Variants in LTBP1 observed in about 807,000 individuals in gnomAD.
LTBP1 encodes latent-transforming growth factor beta-binding protein 1.
A neutral mutation model predicts 207.6 loss-of-function variants in LTBP1; 129 were observed. The ratio of observed to expected loss-of-function variants is 0.62; its 90% CI spans 0.54 to 0.72. The LOEUF is 0.72. LTBP1 is among the 30% of genes least tolerant of loss of function. The pLI, the probability that LTBP1 is intolerant of heterozygous loss-of-function variation, is 0.00. For missense variants in LTBP1, 2,281 were observed against 2,217.2 expected (o/e 1.03, Z -0.58); for synonymous variants, 963 against 833.7 (o/e 1.16, Z -2.67).
rs888777500 is a variant in LTBP1 at position 32,947,560 on chromosome 2, T to G, written c.236T>G (p.Val79Gly). The change falls in exon 1 of 34, where the codon GTC (valine) becomes GGC (glycine). Residue 79 changes from valine (V) to glycine (G), a missense_variant. By Grantham distance (109) the Val-to-Gly change is moderately radical. Transcript: ENST00000404816. The part of the protein sequence containing the change: ...AGAPSRASPG[V>G]PSERTRRTSK... ...GCCCCCAGCCGTGCCTCCCCCGGGG[T>G]CCCCTCGGAGAGGACCCGGCGCACG... 7.4e-7 allele frequency: 1 copy of G among 1,359,860 alleles called. No homozygotes were observed. The highest frequency in any genetic ancestry group is 9.4e-7 in the Non-Finnish European group (1 of 1,058,886). The allele number at this position is 1,359,860 out of a possible 1,614,324, so 84.2% of individuals were successfully genotyped here. A position where few individuals can be genotyped will look rare whatever the true frequency, so the allele number is the denominator to read the frequency against.
In LTBP1 at chr2:33,242,996, T is replaced by C. The variant is rs143554495; in HGVS notation, c.1877-666T>C. Among the ~76,000 whole-genome samples the C allele has an allele frequency of 2.0e-4, 31 of 152,284 alleles. No individual in the cohort carries two copies. The East Asian group carries it at 5.8e-3, about 28-fold the overall frequency. ...TTCCTGAATCTTCTTTTCCAGCCAG[T>C]GGTTTGACTCATCATTTCCTGAGCC... On this transcript the variant is annotated intron_variant, in intron 9 of 33. Transcript: ENST00000404816.
At chr2:33,360,393 G>T (rs943338950) in intron 26 of LTBP1, among the ~76,000 whole-genome samples, 1 of 152,104 alleles carries the variant, frequency 6.6e-6, no homozygotes, top group Non-Finnish European at 1.5e-5. Context: ...ACACTCTTGG[G>T]GTATGTTAGA....
At chr2:33,381,185 G>T (rs2095210474) in intron 31 of LTBP1, among the ~76,000 whole-genome samples, 1 of 152,082 alleles carries the variant, frequency 6.6e-6, no homozygotes, top group Admixed American at 6.6e-5. Flanking sequence ...TATTTCCTAT[G>T]CCCCAGATAC....
chr2:33,259,711 C>A, intron 13 of LTBP1, 101 bp downstream of exon 13: 2 of 1,062,558 alleles, frequency 1.9e-6, no homozygotes, highest in South Asian at 1.7e-5. Context: ...AGTAACATCT[C>A]TATTATGCAT....
At chr2:33,233,750 A>G (rs1219047738) in intron 9 of LTBP1, among the ~76,000 whole-genome samples, 2 of 151,980 alleles carry the variant, frequency 1.3e-5, no homozygotes, top group Non-Finnish European at 2.9e-5. Flanking sequence ...AGAATGTGAT[A>G]ATTTTCCTTT....
At chr2:33,264,677 T>C (rs1240102358) in intron 15 of LTBP1, among the ~76,000 whole-genome samples, 1 of 152,196 alleles carries the variant, frequency 6.6e-6, no homozygotes, top group Non-Finnish European at 1.5e-5. Flanking sequence ...TAACCTAGGA[T>C]AATACCTTAT....
At position 32,947,216 on chromosome 2, in the gene LTBP1, G is replaced by GGCTCTCGGCA. The variant is rs1676304385; in HGVS notation, c.-100_-91dup. 3.5e-6 allele frequency: 3 copies of GGCTCTCGGCA among 858,690 alleles called. No homozygotes were observed. The highest frequency in any genetic ancestry group is 1.2e-4 in the South Asian group (2 of 17,206). 53.2% of individuals were successfully genotyped at this position (858,690 alleles called of 1,614,324 possible). Reference sequence around the variant, plus strand: ...ACTTGGTCTCCTCCCGCCTTTCCCGGGCTCTCGGCAGCTCTCGGGGGAGCC... The same window carrying GGCTCTCGGCA: ...ACTTGGTCTCCTCCCGCCTTTCCCGGGCTCTCGGCAGCTCTCGGCAGCTCTCGGGGGAGCC... On this transcript the variant is annotated 5_prime_UTR_variant, in exon 1 of 34. Transcript: ENST00000404816.
intron 7 of LTBP1, among the ~76,000 whole-genome samples, chr2:33,191,440 A>T (rs1024597009): frequency 2.0e-5 from 3 of 152,232 alleles, no homozygotes; most frequent in African/African-American, 7.2e-5. Context: ...ACACAGCTTC[A>T]AAATAAGACC....
chr2:33,255,184 T>A (rs1157211183), intron 11 of LTBP1, among the ~76,000 whole-genome samples: 1 of 148,430 alleles, frequency 6.7e-6, no homozygotes, highest in Non-Finnish European at 1.5e-5. Flanking sequence ...GGTGTTTGGT[T>A]TTTTGTTCTT....
intron 5 of LTBP1, among the ~76,000 whole-genome samples, chr2:33,152,598 G>A (rs1214774142): frequency 2.0e-5 from 3 of 152,038 alleles, no homozygotes; most frequent in African/African-American, 4.8e-5. Flanking sequence ...GTCATTATAC[G>A]AAAAAAGATA....
intron 3 of LTBP1, among the ~76,000 whole-genome samples, chr2:33,029,558 C>T (rs2075592541): frequency 6.6e-6 from 1 of 152,180 alleles, no homozygotes; most frequent in Non-Finnish European, 1.5e-5. Flanking sequence ...TCCCTTCCAA[C>T]TTTCCAGAAT....
At chr2:33,316,338 A>G (rs1484443834) in intron 24 of LTBP1, among the ~76,000 whole-genome samples, 1 of 152,228 alleles carries the variant, frequency 6.6e-6, no homozygotes, top group African/African-American at 2.4e-5. Context: ...TAGTGCCCAG[A>G]TTCTTTGCTC....
intron 2 of LTBP1, among the ~76,000 whole-genome samples, chr2:33,014,450 G>A (rs1323846039): frequency 6.6e-6 from 1 of 152,104 alleles, no homozygotes; most frequent in Non-Finnish European, 1.5e-5. Context: ...GGGCAGCTGG[G>A]AATTACTGTG....
At position 33,247,889 on chromosome 2, in the gene LTBP1, C is replaced by T. The variant is rs573199027; in HGVS notation, c.1999+4105C>T. On this transcript the variant is annotated intron_variant, in intron 10 of 33. Coordinates refer to ENST00000404816, the MANE Select transcript of LTBP1 (RefSeq NM_206943.4). ...ATTACTGCTAGCTTTCCAGCTTTTC[C>T]GTTAATATGGGCTTTCCTTCCAGAC... Among the ~76,000 whole-genome samples, 7 of 152,360 alleles carry T rather than the reference C, an allele frequency of 4.6e-5. 1 individual carries two copies. The South Asian group carries it at 8.3e-4, about 18-fold the overall frequency.
intron 3 of LTBP1, among the ~76,000 whole-genome samples, chr2:33,060,364 G>A (rs546217986): frequency 2.6e-5 from 4 of 152,140 alleles, no homozygotes; most frequent in South Asian, 2.1e-4. Flanking sequence ...GATAATTGAC[G>A]TATCTCTAGG....
At chr2:33,062,230 C>T (rs1253373297) in intron 3 of LTBP1, among the ~76,000 whole-genome samples, 1 of 150,204 alleles carries the variant, frequency 6.7e-6, no homozygotes, top group Non-Finnish European at 1.5e-5. Context: ...GTCTCATACA[C>T]ACACACACAC....
intron 3 of LTBP1, among the ~76,000 whole-genome samples, chr2:33,063,853 CTTTTT>C (rs58115868): frequency 6.8e-6 from 1 of 147,650 alleles, no homozygotes; most frequent in African/African-American, 2.5e-5. Flanking sequence ...ATTGTATATT[CTTTTT>C]TTTTTTTCTT....
At chr2:33,350,551 A>G (rs566471055) in intron 26 of LTBP1, among the ~76,000 whole-genome samples, 3 of 152,344 alleles carry the variant, frequency 2.0e-5, no homozygotes, top group Non-Finnish European at 4.4e-5. Flanking sequence ...TGGAACTCTA[A>G]TGTCCTAGGG....
intron 4 of LTBP1, among the ~76,000 whole-genome samples, chr2:33,113,906 T>A (rs545270087): frequency 6.6e-6 from 1 of 152,346 alleles, no homozygotes; most frequent in South Asian, 2.1e-4. Flanking sequence ...AGTGGCATGA[T>A]CTCAGCTCAC....
Sources: allele counts gnomAD v4.1 joint callset (sites outside exome capture counted in the v4.1 genomes callset), GRCh38; gene constraint gnomAD v4.1.1; transcripts MANE v1.5; gene names NCBI Gene and HGNC (gene_info 2026-07-23, HGNC 2026-07-21).